MAGI2: variants seen among roughly 807,000 people sequenced by gnomAD.
MAGI2 encodes membrane associated guanylate kinase, WW and PDZ domain containing 2.
A neutral mutation model predicts 133.3 loss-of-function variants in MAGI2; 35 were observed. That is an observed-to-expected ratio of 0.26 (90% CI 0.20 to 0.35). The LOEUF (loss-of-function observed/expected upper bound fraction) is 0.35. MAGI2 is among the 10% of genes least tolerant of loss of function. MAGI2 has a pLI of 1.00. For synonymous variants in MAGI2, 729 were observed against 710.6 expected (o/e 1.03, Z -0.41); for missense variants, 1,636 against 1,863.4 (o/e 0.88, Z 2.25).
At chr7:78,990,829 C>T (rs1805689308) in intron 2 of MAGI2, among the ~76,000 whole-genome samples, 1 of 150,960 alleles carries the variant, frequency 6.6e-6, no homozygotes, top group Non-Finnish European at 1.5e-5. Context: ...GTAAGTTTTC[C>T]ATCTGTAAAT....
intron 9 of MAGI2, among the ~76,000 whole-genome samples, chr7:78,313,631 A>G (rs1004143887): frequency 2.1e-3 from 174 of 84,448 alleles, no homozygotes; most frequent in African/African-American, 8.4e-3. Flanking sequence ...TATTGGTACA[A>G]AAAAAAAAGT....
intron 9 of MAGI2, among the ~76,000 whole-genome samples, chr7:78,340,392 T>G (rs1343478661): frequency 6.6e-6 from 1 of 152,152 alleles, no homozygotes; most frequent in Non-Finnish European, 1.5e-5. Flanking sequence ...GAGGAGATGG[T>G]ACCATTCCTT....
At chr7:78,613,730 A>T (rs1043410928) in intron 3 of MAGI2, among the ~76,000 whole-genome samples, 1 of 152,238 alleles carries the variant, frequency 6.6e-6, no homozygotes, top group Non-Finnish European at 1.5e-5. Context: ...TATGGCAAAG[A>T]CAGGACTATG....
intron 3 of MAGI2, among the ~76,000 whole-genome samples, chr7:78,561,617 G>A (rs999558589): frequency 6.6e-6 from 1 of 152,210 alleles, no homozygotes; most frequent in African/African-American, 2.4e-5. Context: ...AAGAAGTGGG[G>A]AGGTCTCCTG....
At chr7:78,249,235 G>A (rs1226610436) in intron 10 of MAGI2, among the ~76,000 whole-genome samples, 1 of 152,084 alleles carries the variant, frequency 6.6e-6, no homozygotes, top group Non-Finnish European at 1.5e-5. Flanking sequence ...AGGATGTGGA[G>A]AAAAGGGAAC....
chr7:78,779,294 G>A (rs988819952), intron 2 of MAGI2, among the ~76,000 whole-genome samples: 3 of 152,032 alleles, frequency 2.0e-5, no homozygotes, highest in Non-Finnish European at 4.4e-5. Flanking sequence ...CACCTGATCT[G>A]CCCACATCTC....
At chr7:79,148,093 C>T (rs770776069) in intron 1 of MAGI2, among the ~76,000 whole-genome samples, 18 of 152,072 alleles carry the variant, frequency 1.2e-4, no homozygotes, top group Non-Finnish European at 2.9e-5. Context: ...GTCAGTGGCC[C>T]ATCGAAGCCC....
chr7:78,689,704 T>G (rs898789971), intron 2 of MAGI2, among the ~76,000 whole-genome samples: 7 of 111,806 alleles, frequency 6.3e-5, no homozygotes, highest in Non-Finnish European at 9.6e-5. Flanking sequence ...TTTTTTTTTT[T>G]GCTAAGCTTC....
chr7:79,295,072 T>A (rs1478070775), intron 1 of MAGI2, among the ~76,000 whole-genome samples: 1 of 152,170 alleles, frequency 6.6e-6, no homozygotes. Context: ...TTGAAATTAA[T>A]GAAATTCTCT....
At chr7:79,298,183 A>G (rs968453237) in intron 1 of MAGI2, among the ~76,000 whole-genome samples, 1 of 152,112 alleles carries the variant, frequency 6.6e-6, no homozygotes, top group Non-Finnish European at 1.5e-5. Context: ...TTACCTGTCA[A>G]TTTTTCTTCA....
chr7:79,186,238 ATATATT>A (rs1562973264), intron 1 of MAGI2, among the ~76,000 whole-genome samples: 4 of 87,414 alleles, frequency 4.6e-5, no homozygotes, highest in South Asian at 3.7e-4. Flanking sequence ...ATATATATAT[ATATATT>A]TATATTTATT....
intron 1 of MAGI2, among the ~76,000 whole-genome samples, chr7:79,365,967 G>C (rs1377075673): frequency 6.7e-6 from 1 of 149,782 alleles, no homozygotes; most frequent in African/African-American, 2.5e-5. Flanking sequence ...AAAAAAGTTG[G>C]TGCGATGGCT....
At chr7:78,540,211 G>T (rs1271173614) in intron 3 of MAGI2, among the ~76,000 whole-genome samples, 2 of 152,320 alleles carry the variant, frequency 1.3e-5, no homozygotes, top group Admixed American at 6.5e-5. Context: ...TAGGGGCAGG[G>T]TTAGGCCTGT....
intron 1 of MAGI2, among the ~76,000 whole-genome samples, chr7:79,228,489 T>C (rs1292792751): frequency 6.6e-6 from 1 of 151,912 alleles, no homozygotes; most frequent in East Asian, 1.9e-4. Flanking sequence ...TAACTACTAA[T>C]TGTAAAATGT....
At chr7:78,044,930 A>C (rs1041651173) in intron 21 of MAGI2, among the ~76,000 whole-genome samples, 2 of 152,336 alleles carry the variant, frequency 1.3e-5, no homozygotes, top group South Asian at 4.1e-4. Flanking sequence ...GCACTTTGGA[A>C]GGCCAAGGCG....
At chr7:79,040,200 T>C (rs1811526803) in intron 1 of MAGI2, among the ~76,000 whole-genome samples, 1 of 151,650 alleles carries the variant, frequency 6.6e-6, no homozygotes, top group South Asian at 2.1e-4. Context: ...AAGGGGCCCT[T>C]CCTCCTTCAC....
chr7:78,748,879 T>A (rs779564179), intron 2 of MAGI2, among the ~76,000 whole-genome samples: 13 of 152,224 alleles, frequency 8.5e-5, no homozygotes, highest in Non-Finnish European at 1.8e-4. Context: ...AATTCAAGAA[T>A]CTTGTTCATA....
intron 2 of MAGI2, among the ~76,000 whole-genome samples, chr7:78,802,929 A>T (rs79961276): frequency 5.5e-5 from 3 of 54,930 alleles, no homozygotes; most frequent in African/African-American, 1.5e-4. Flanking sequence ...AAAATCTATT[A>T]AAAAAAAAAA....
chr7:78,951,079 C>A lies in MAGI2; in HGVS notation c.418+56011G>T, dbSNP rs187471701. ...TCCCACCTCCTGGGTTCAAGCAATTCTCCTGCCTCAGCCTCCCAAGTGGCT... is the reference window on the plus strand; with the variant it reads ...TCCCACCTCCTGGGTTCAAGCAATTATCCTGCCTCAGCCTCCCAAGTGGCT... On this transcript the variant is annotated intron_variant, in intron 2 of 21. Transcript: ENST00000354212. Among the ~76,000 whole-genome samples the A allele has an allele frequency of 6.7e-5, 10 of 149,398 alleles. No homozygotes were observed. The East Asian group carries it at 1.0e-3, about 15-fold the overall frequency.
Sources: gnomAD v4.1 joint callset for allele counts (sites outside exome capture counted in the v4.1 genomes callset) on GRCh38, gnomAD v4.1.1 for gene constraint, MANE v1.5 for transcripts, NCBI Gene and HGNC (gene_info 2026-07-23, HGNC 2026-07-21) for gene names.